Variants in ADAM12 observed in about 807,000 individuals in gnomAD.
The protein encoded by ADAM12 is ADAM metallopeptidase domain 12.
Under a neutral mutation model 106.4 loss-of-function variants are expected in ADAM12, and 70 were observed. That is an observed-to-expected ratio of 0.66 (90% confidence interval 0.54 to 0.80). ADAM12 has a LOEUF of 0.80. Ranked by LOEUF, ADAM12 falls within the 30% of genes least tolerant of loss-of-function variation. ADAM12 has a pLI of 0.00. For synonymous variants in ADAM12, 420 were observed against 433.5 expected (o/e 0.97, Z 0.39); for missense variants, 1,010 against 1,171.9 (o/e 0.86, Z 2.02).
intron 3 of ADAM12, among the ~76,000 whole-genome samples, chr10:126,156,793 T>G (rs1433996624): frequency 6.6e-6 from 1 of 152,094 alleles, no homozygotes; most frequent in African/African-American, 2.4e-5. Flanking sequence ...AGAGGGGAAA[T>G]CCTGGCAGAT....
At chr10:126,092,250 C>G (rs1355319441) in intron 11 of ADAM12, among the ~76,000 whole-genome samples, 2 of 152,204 alleles carry the variant, frequency 1.3e-5, no homozygotes, top group East Asian at 3.8e-4. Flanking sequence ...ATTAGACACA[C>G]AGTGCATTTT....
intron 6 of ADAM12, among the ~76,000 whole-genome samples, chr10:126,113,670 A>C (rs1590430177): frequency 3.8e-5 from 2 of 52,354 alleles, no homozygotes; most frequent in Non-Finnish European, 6.4e-5. Context: ...AAAAAAAAAA[A>C]AAAAAAAAAA....
chr10:126,335,681 G>C (rs374273271), intron 1 of ADAM12, among the ~76,000 whole-genome samples: 3 of 151,978 alleles, frequency 2.0e-5, no homozygotes, highest in East Asian at 3.9e-4. Context: ...TTAAAATAAC[G>C]TAAGTGAAGG....
chr10:126,033,754 T>C (rs956763301), intron 21 of ADAM12, among the ~76,000 whole-genome samples: 11 of 152,186 alleles, frequency 7.2e-5, no homozygotes, highest in African/African-American at 2.4e-4. Context: ...GAACAGAGAC[T>C]ATGGGTAGAA....
intron 3 of ADAM12, among the ~76,000 whole-genome samples, chr10:126,182,068 C>T (rs533697760): frequency 6.6e-6 from 1 of 152,210 alleles, no homozygotes; most frequent in South Asian, 2.1e-4. Flanking sequence ...CACACAGCAC[C>T]GGCAACGCAG....
At chr10:126,321,909 G>GGT (rs1554866264) in intron 2 of ADAM12, among the ~76,000 whole-genome samples, 3 of 143,108 alleles carry the variant, frequency 2.1e-5, no homozygotes, top group Non-Finnish European at 4.6e-5. Context: ...GGGGGTCGGG[G>GGT]GGGGGGCTTC....
intron 14 of ADAM12, among the ~76,000 whole-genome samples, chr10:126,057,950 C>T (rs940973725): frequency 1.3e-5 from 2 of 152,176 alleles, no homozygotes; most frequent in African/African-American, 2.4e-5. Flanking sequence ...GAGGTATGCA[C>T]ATAAGATTGA....
intron 2 of ADAM12, among the ~76,000 whole-genome samples, chr10:126,327,251 G>A (rs1244035402): frequency 1.3e-5 from 2 of 152,166 alleles, no homozygotes; most frequent in African/African-American, 4.8e-5. Flanking sequence ...GAATGCCTCT[G>A]AGGTTTTCAA....
At chr10:126,274,464 C>T (rs764525549) in intron 3 of ADAM12, among the ~76,000 whole-genome samples, 1 of 152,116 alleles carries the variant, frequency 6.6e-6, no homozygotes, top group African/African-American at 2.4e-5. Flanking sequence ...TCTGAACTTG[C>T]AACATTTATT....
At chr10:126,187,381 TG>T (rs1481087980) in intron 3 of ADAM12, among the ~76,000 whole-genome samples, 3 of 151,942 alleles carry the variant, frequency 2.0e-5, no homozygotes, top group Non-Finnish European at 4.4e-5. Flanking sequence ...TTTTTGCTGC[TG>T]GGGGCATTTC....
At chr10:126,238,578 C>G (rs1311549160) in intron 3 of ADAM12, among the ~76,000 whole-genome samples, 2 of 152,020 alleles carry the variant, frequency 1.3e-5, no homozygotes, top group African/African-American at 4.8e-5. Flanking sequence ...ATATGCATCC[C>G]AAAACTGCAT....
intron 3 of ADAM12, among the ~76,000 whole-genome samples, chr10:126,170,974 G>A (rs1030006940): frequency 6.6e-6 from 1 of 152,176 alleles, no homozygotes; most frequent in Middle Eastern, 3.2e-3. Flanking sequence ...CAGTGACAGT[G>A]GGCCATTCAT....
chr10:126,204,243 G>A (rs1590615678), intron 3 of ADAM12, among the ~76,000 whole-genome samples: 1 of 152,182 alleles, frequency 6.6e-6, no homozygotes, highest in East Asian at 1.9e-4. Flanking sequence ...TCCCTAACAA[G>A]AAGCGTAATA....
rs35232725 is a variant in ADAM12 at position 126,278,775 on chromosome 10, C to G, written c.260+140G>C. ...ATTAGATAATTTTTTAAAGTTAATT[C>G]TCACCTCAAATCCAAATTTGGATTA... On this transcript the variant is annotated intron_variant, in intron 3 of 22. Coordinates refer to ENST00000448723, the MANE Select transcript of ADAM12 (RefSeq NM_001288973.2). 1,838 of 583,626 alleles carry G rather than the reference C, an allele frequency of 3.1e-3. 87 individuals are homozygous for G. The Admixed American group carries it at 0.057, about 18-fold the overall frequency. The allele number at this position is 583,626 out of a possible 1,614,324, so 36.2% of individuals were successfully genotyped here. A position where few individuals can be genotyped will look rare whatever the true frequency, so the allele number is the denominator to read the frequency against.
chr10:126,326,803 T>G (rs1261089483), intron 2 of ADAM12, among the ~76,000 whole-genome samples: 1 of 152,104 alleles, frequency 6.6e-6, no homozygotes, highest in Non-Finnish European at 1.5e-5. Flanking sequence ...GCCTGGATGC[T>G]CTTCCCCAGA....
At chr10:126,246,428 CA>C (rs1565164542) in intron 3 of ADAM12, among the ~76,000 whole-genome samples, 2 of 151,952 alleles carry the variant, frequency 1.3e-5, no homozygotes, top group South Asian at 4.1e-4. Flanking sequence ...AGAGACACAA[CA>C]AAAAAAGAAA....
At position 126,176,047 on chromosome 10, in the gene ADAM12, A is replaced by G. The variant is rs1173220142; in HGVS notation, c.261-20742T>C. ...CTGCCTCGCCCTCACCCTGCACACC[A>G]CAGAGAAAGATCTGTTCCAAGAGAG... is the stretch of plus-strand genomic sequence containing the variant. On this transcript the variant is annotated intron_variant, in intron 3 of 22. Transcript: ENST00000448723. Among the ~76,000 whole-genome samples the G allele has an allele frequency of 2.0e-5, 3 of 152,250 alleles. No homozygotes were observed. The South Asian group carries it at 6.2e-4, about 31-fold the overall frequency.
intron 2 of ADAM12, among the ~76,000 whole-genome samples, chr10:126,308,929 A>G (rs954145496): frequency 3.3e-5 from 5 of 152,202 alleles, no homozygotes; most frequent in Admixed American, 1.3e-4. Flanking sequence ...CTTCTGGGAC[A>G]AGTAGAGAGA....
chr10:126,132,843 T>C (rs1410038875), intron 5 of ADAM12, among the ~76,000 whole-genome samples: 1 of 152,110 alleles, frequency 6.6e-6, no homozygotes, highest in African/African-American at 2.4e-5. Flanking sequence ...AATTGGTCAC[T>C]CACCTTCACC....
Sources: allele counts gnomAD v4.1 joint callset (sites outside exome capture counted in the v4.1 genomes callset), GRCh38; gene constraint gnomAD v4.1.1; transcripts MANE v1.5; gene names NCBI Gene and HGNC (gene_info 2026-07-23, HGNC 2026-07-21).